The following NOL4 variants were observed in gnomAD, a reference collection of about 807,000 sequenced individuals.
The protein encoded by NOL4 is nucleolar protein 4.
Under a neutral mutation model 75.9 loss-of-function variants are expected in NOL4, and 17 were observed. The observed-to-expected ratio is 0.22, with a 90% CI of 0.15 to 0.34. The LOEUF (loss-of-function observed/expected upper bound fraction) is 0.34. Ranked by LOEUF, NOL4 falls within the 10% of genes least tolerant of loss-of-function variation. The pLI is 1.00. For synonymous variants in NOL4, 292 were observed against 289.9 expected, an observed-to-expected ratio of 1.01 and a Z score of -0.07; for missense variants, 614 against 793.5, an observed-to-expected ratio of 0.77 and a Z score of 2.72.
chr18:33,926,966 T>TTA (rs1172088865), intron 9 of NOL4, among the ~76,000 whole-genome samples: 1 of 152,204 alleles, frequency 6.6e-6, no homozygotes, highest in East Asian at 1.9e-4. Context: ...AAGTTTATAG[T>TTA]TACAGCTATA....
rs546020233 is a variant in NOL4 at position 33,857,232 on chromosome 18, C to T, written c.1724-4197G>A. Among the ~76,000 whole-genome samples, 8 of 152,066 alleles carry T rather than the reference C, an allele frequency of 5.3e-5. No individual in the cohort carries two copies. In the East Asian group the frequency reaches 5.8e-4, roughly 11 times the overall value. ...ATGTGAAATATAAGAATTTACTTTGCGTTTGCATCAATGTACTAAAATATT... is the reference window on the plus strand; with the variant it reads ...ATGTGAAATATAAGAATTTACTTTGTGTTTGCATCAATGTACTAAAATATT... On this transcript the variant is annotated intron_variant, in intron 10 of 10. Coordinates refer to ENST00000261592, the MANE Select transcript of NOL4 (RefSeq NM_003787.5).
At chr18:33,884,599 G>T (rs569605019) in intron 9 of NOL4, among the ~76,000 whole-genome samples, 2 of 151,128 alleles carry the variant, frequency 1.3e-5, no homozygotes, top group African/African-American at 4.9e-5. Flanking sequence ...CTTTCCTTCT[G>T]CATTCTTCAT....
chr18:33,854,104 C>T (rs942046049), intron 10 of NOL4, among the ~76,000 whole-genome samples: 1 of 152,096 alleles, frequency 6.6e-6, no homozygotes, highest in Non-Finnish European at 1.5e-5. Flanking sequence ...GATTCTATAA[C>T]TTGAAAATGT....
intron 4 of NOL4, among the ~76,000 whole-genome samples, chr18:34,096,361 G>C (rs2078778283): frequency 6.6e-6 from 1 of 151,992 alleles, no homozygotes; most frequent in African/African-American, 2.4e-5. Flanking sequence ...GAGCTTTAAT[G>C]AGACTAAGTG....
intron 9 of NOL4, among the ~76,000 whole-genome samples, chr18:33,891,048 T>G (rs899547104): frequency 6.6e-6 from 1 of 151,282 alleles, no homozygotes; most frequent in African/African-American, 2.4e-5. Flanking sequence ...AGAAAGAAAT[T>G]TATATAATAT....
At chr18:33,934,897 C>T (rs1346616716) in intron 9 of NOL4, among the ~76,000 whole-genome samples, 2 of 143,322 alleles carry the variant, frequency 1.4e-5, no homozygotes, top group Non-Finnish European at 3.0e-5. Flanking sequence ...CAGGGTCTCA[C>T]TCTGTTGCCT....
intron 6 of NOL4, among the ~76,000 whole-genome samples, chr18:33,977,741 T>A (rs2071617319): frequency 6.6e-6 from 1 of 152,190 alleles, no homozygotes; most frequent in African/African-American, 2.4e-5. Flanking sequence ...ATTCTTAAAT[T>A]AAATTATATG....
At chr18:34,006,457 C>T (rs1445118590) in intron 6 of NOL4, among the ~76,000 whole-genome samples, 1 of 152,020 alleles carries the variant, frequency 6.6e-6, no homozygotes, top group Admixed American at 6.6e-5. Flanking sequence ...TAGCAGCAGA[C>T]ACCAATACTG....
At chr18:34,104,693 A>T (rs1249637193) in intron 3 of NOL4, among the ~76,000 whole-genome samples, 1 of 152,050 alleles carries the variant, frequency 6.6e-6, no homozygotes, top group Non-Finnish European at 1.5e-5. Context: ...GAAACTCCAC[A>T]TTATTCATAA....
intron 5 of NOL4, among the ~76,000 whole-genome samples, chr18:34,022,298 T>G (rs909807570): frequency 6.6e-6 from 1 of 151,918 alleles, no homozygotes; most frequent in African/African-American, 2.4e-5. Flanking sequence ...AAATTACTTT[T>G]TATGTACCCA....
At chr18:33,937,888 G>T (rs1183440930) in intron 9 of NOL4, among the ~76,000 whole-genome samples, 1 of 152,046 alleles carries the variant, frequency 6.6e-6, no homozygotes, top group Non-Finnish European at 1.5e-5. Context: ...CCTTTTTTAG[G>T]CTGATATCCA....
At chr18:34,105,804 G>A (rs371324488) in intron 2 of NOL4, among the ~76,000 whole-genome samples, 29 of 152,058 alleles carry the variant, frequency 1.9e-4, no homozygotes, top group African/African-American at 7.0e-4. Flanking sequence ...CTGACTGTCA[G>A]AGCAAGCCTT....
At chr18:34,025,339 G>T (rs1282590320) in intron 5 of NOL4, among the ~76,000 whole-genome samples, 1 of 152,158 alleles carries the variant, frequency 6.6e-6, no homozygotes, top group African/African-American at 2.4e-5. Context: ...ACCCCTGGAA[G>T]AAAAGGCCTT....
chr18:34,158,099 C>T (rs775551639), intron 1 of NOL4, among the ~76,000 whole-genome samples: 1 of 152,120 alleles, frequency 6.6e-6, no homozygotes, highest in Non-Finnish European at 1.5e-5. Context: ...TCTATTCAAA[C>T]TTGCAGAACT....
chr18:33,897,991 G>T (rs1184077545), intron 9 of NOL4, among the ~76,000 whole-genome samples: 1 of 152,040 alleles, frequency 6.6e-6, no homozygotes, highest in Non-Finnish European at 1.5e-5. Context: ...ACAACTCACT[G>T]CAGCCTTGAC....
intron 1 of NOL4, among the ~76,000 whole-genome samples, chr18:34,168,370 T>C (rs939300191): frequency 1.3e-5 from 2 of 151,702 alleles, no homozygotes; most frequent in African/African-American, 4.8e-5. Flanking sequence ...TAAATTTTTT[T>C]TAGCCAGAAA....
chr18:34,055,178 T>C (rs1413958322), intron 5 of NOL4, among the ~76,000 whole-genome samples: 1 of 151,860 alleles, frequency 6.6e-6, no homozygotes, highest in East Asian at 1.9e-4. Flanking sequence ...AGTAAATTTG[T>C]GCACCAAAAT....
At chr18:33,882,386 G>T (rs1014976464) in intron 10 of NOL4, among the ~76,000 whole-genome samples, 3 of 152,126 alleles carry the variant, frequency 2.0e-5, no homozygotes, top group African/African-American at 7.2e-5. Context: ...CCACCAAAAA[G>T]TGGGTGAAGG....
At chr18:33,861,178 TC>T (rs2063105394) in intron 10 of NOL4, among the ~76,000 whole-genome samples, 1 of 152,214 alleles carries the variant, frequency 6.6e-6, no homozygotes, top group South Asian at 2.1e-4. Context: ...TCCTTCTTTT[TC>T]TATTGATTGG....
Sources: gnomAD v4.1 joint callset for allele counts (sites outside exome capture counted in the v4.1 genomes callset) on GRCh38, gnomAD v4.1.1 for gene constraint, MANE v1.5 for transcripts, NCBI Gene and HGNC (gene_info 2026-07-23, HGNC 2026-07-21) for gene names.